Variants in PTPN9 observed in about 807,000 individuals in gnomAD.
PTPN9 encodes protein tyrosine phosphatase non-receptor type 9.
PTPN9 carries 26 observed loss-of-function variants against 69.8 expected under a neutral mutation model. The ratio of observed to expected loss-of-function variants is 0.37; its 90% CI spans 0.27 to 0.52. The LOEUF (loss-of-function observed/expected upper bound fraction) is 0.52, where lower values mean the gene tolerates loss of function less well. Ranked by LOEUF, PTPN9 falls within the 20% of genes least tolerant of loss-of-function variation. PTPN9 has a pLI of 0.91. For synonymous variants in PTPN9, 274 were observed against 272.5 expected (o/e 1.01, Z -0.05); for missense variants, 549 against 740.3 (o/e 0.74, Z 3.00).
chr15:75,570,932 T>C (rs570367434), intron 1 of PTPN9, among the ~76,000 whole-genome samples: 1 of 152,236 alleles, frequency 6.6e-6, no homozygotes, highest in African/African-American at 2.4e-5. Context: ...TGTAATTGGC[T>C]TAAGCTAACA....
chr15:75,484,619 C>T (rs2074663178), intron 8 of PTPN9, among the ~76,000 whole-genome samples: 1 of 152,124 alleles, frequency 6.6e-6, no homozygotes, highest in Non-Finnish European at 1.5e-5. Context: ...CAATCAGCTG[C>T]AGTTTTATGT....
chr15:75,558,856 A>G (rs1284075553), intron 1 of PTPN9, among the ~76,000 whole-genome samples: 1 of 152,160 alleles, frequency 6.6e-6, no homozygotes, highest in Middle Eastern at 3.2e-3. Context: ...GCTGGAGTGC[A>G]GTGGCGTGAT....
At chr15:75,566,370 G>T (rs1255568617) in intron 1 of PTPN9, among the ~76,000 whole-genome samples, 1 of 152,162 alleles carries the variant, frequency 6.6e-6, no homozygotes, top group Non-Finnish European at 1.5e-5. Context: ...TTCAGAAAGT[G>T]TTATTTTTCA....
At chr15:75,527,879 AAAAAG>A (rs1490040043) in intron 1 of PTPN9, among the ~76,000 whole-genome samples, 1 of 152,076 alleles carries the variant, frequency 6.6e-6, no homozygotes, top group Non-Finnish European at 1.5e-5. Context: ...AGAAAGAAAA[AAAAAG>A]AAAACAAAAA....
At chr15:75,524,131 A>C (rs878881008) in intron 3 of PTPN9, 78 bp downstream of exon 3, 7 of 698,458 alleles carry the variant, frequency 1.0e-5, no homozygotes, top group Admixed American at 2.9e-5. Flanking sequence ...AAAAAAAAAA[A>C]AAAAACAAAG....
chr15:75,469,674 AC>A (rs1567459276), intron 12 of PTPN9, 117 bp downstream of exon 12: 18 of 1,125,342 alleles, frequency 1.6e-5, no homozygotes, highest in Admixed American at 2.0e-5. Flanking sequence ...ACAGCAATTC[AC>A]CACCAAGGGA....
At chr15:75,478,100 A>C (rs1215387129) in intron 9 of PTPN9, among the ~76,000 whole-genome samples, 1 of 151,322 alleles carries the variant, frequency 6.6e-6, no homozygotes, top group Non-Finnish European at 1.5e-5. Flanking sequence ...CGGCCTCCCA[A>C]AGTGCTGGGA....
chr15:75,517,582 T>C (rs1365857786), intron 4 of PTPN9, among the ~76,000 whole-genome samples: 2 of 152,208 alleles, frequency 1.3e-5, no homozygotes, highest in Admixed American at 1.3e-4. Flanking sequence ...GCCAAACTCG[T>C]AGGTTGAGAA....
At chr15:75,513,156 GTCTGCAGT>G in intron 5 of PTPN9, 1 of 418,592 alleles carries the variant, frequency 2.4e-6, no homozygotes, top group Non-Finnish European at 4.7e-6. Flanking sequence ...CTAGGCCCAG[GTCTGCAGT>G]TCTTTGCTCT....
At chr15:75,472,486 AAAATAAAAAT>A (rs1177116444) in intron 10 of PTPN9, among the ~76,000 whole-genome samples, 40 of 149,634 alleles carry the variant, frequency 2.7e-4, no homozygotes, top group African/African-American at 4.9e-4. Context: ...AAAATAAAAT[AAAATAAAAAT>A]AAAATAAAAT....
chr15:75,495,453 C>T lies in PTPN9; in HGVS notation c.969-5152G>A, dbSNP rs2074734801. ...AAGGGCCAAGCACGGTGGCTCACAC[C>T]TACAATCCCAGCACTTTGGGAGGCC... On this transcript the variant is annotated intron_variant, in intron 7 of 12. Coordinates refer to ENST00000618819, the MANE Select transcript of PTPN9 (RefSeq NM_002833.4). Among the ~76,000 whole-genome samples, 4 of 152,156 alleles carry T rather than the reference C, an allele frequency of 2.6e-5. No homozygotes were observed. The South Asian group carries it at 8.3e-4, about 32-fold the overall frequency.
At chr15:75,572,246 C>T (rs372653379) in intron 1 of PTPN9, among the ~76,000 whole-genome samples, 4 of 152,066 alleles carry the variant, frequency 2.6e-5, no homozygotes, top group African/African-American at 9.7e-5. Context: ...GCATGAGAAT[C>T]GCTTGAACCC....
intron 10 of PTPN9, 102 bp downstream of exon 10, chr15:75,473,587 G>T: frequency 1.9e-6 from 2 of 1,058,166 alleles, no homozygotes; most frequent in Non-Finnish European, 2.9e-6. Context: ...ACCGTGCCAG[G>T]CTGACCCTCA....
chr15:75,576,815 C>G (rs1001132488), intron 1 of PTPN9, among the ~76,000 whole-genome samples: 1 of 149,640 alleles, frequency 6.7e-6, no homozygotes, highest in African/African-American at 2.5e-5. Context: ...CTCAAAAAAA[C>G]AAACAAACAA....
intron 7 of PTPN9, among the ~76,000 whole-genome samples, chr15:75,504,010 C>A (rs2074795273): frequency 1.5e-5 from 2 of 135,378 alleles, no homozygotes; most frequent in Admixed American, 7.0e-5. Context: ...GGGCCAGCCG[C>A]CCCGTCCGGG....
At chr15:75,488,586 AG>A (rs2074691870) in intron 8 of PTPN9, among the ~76,000 whole-genome samples, 1 of 151,204 alleles carries the variant, frequency 6.6e-6, no homozygotes, top group Admixed American at 6.6e-5. Context: ...GCTTGAGCCC[AG>A]GAAGAACTTA....
At chr15:75,514,593 C>G (rs1236313464) in intron 5 of PTPN9, among the ~76,000 whole-genome samples, 1 of 152,114 alleles carries the variant, frequency 6.6e-6, no homozygotes, top group African/African-American at 2.4e-5. Flanking sequence ...AAAGGAACTT[C>G]TGTTAGTCAA....
chr15:75,477,539 G>A (rs1252614936), intron 9 of PTPN9, among the ~76,000 whole-genome samples: 2 of 152,172 alleles, frequency 1.3e-5, no homozygotes, highest in African/African-American at 2.4e-5. Flanking sequence ...AAGGTGCAGT[G>A]AGCCAAGATC....
intron 1 of PTPN9, among the ~76,000 whole-genome samples, chr15:75,577,179 C>T (rs2075177871): frequency 6.6e-6 from 1 of 152,170 alleles, no homozygotes; most frequent in South Asian, 2.1e-4. Flanking sequence ...TCAATACTAT[C>T]AATACTTTAA....
Sources: gnomAD v4.1 joint callset for allele counts (sites outside exome capture counted in the v4.1 genomes callset) on GRCh38, gnomAD v4.1.1 for gene constraint, MANE v1.5 for transcripts, NCBI Gene and HGNC (gene_info 2026-07-23, HGNC 2026-07-21) for gene names.